The following DLG2 variants were observed in gnomAD, a reference collection of about 807,000 sequenced individuals.
DLG2 encodes the protein discs large MAGUK scaffold protein 2, also known as disks large homolog 2.
DLG2 carries 45 observed loss-of-function variants against 132.5 expected under a neutral mutation model. The observed-to-expected ratio is 0.34, with a 90% CI of 0.27 to 0.44. DLG2 has a LOEUF of 0.44. Among genes scored for constraint, DLG2 ranks in the 20% least tolerant of loss-of-function variants. The pLI is 1.00. For missense variants in DLG2, 1,045 were observed against 1,196.9 expected, an observed-to-expected ratio of 0.87 and a Z score of 1.87; for synonymous variants, 424 against 419.6, an observed-to-expected ratio of 1.01 and a Z score of -0.13.
At chr11:84,604,445 G>A (rs2099581971) in intron 6 of DLG2, among the ~76,000 whole-genome samples, 1 of 151,854 alleles carries the variant, frequency 6.6e-6, no homozygotes, top group South Asian at 2.1e-4. Context: ...GGCTTTATAA[G>A]TCAAATTAAG....
rs1254459086 is a variant in DLG2 at position 85,306,851 on chromosome 11, C to T, written c.41-21486G>A. Among the ~76,000 whole-genome samples, 4 of 152,180 alleles carry T rather than the reference C, an allele frequency of 2.6e-5. No homozygotes were observed. The South Asian group carries it at 8.3e-4, about 32-fold the overall frequency. On this transcript the variant is annotated intron_variant, in intron 3 of 27. Coordinates refer to ENST00000376104, the MANE Select transcript of DLG2 (RefSeq NM_001142699.3). ...CCTCCCAAAGTGTTGGGATTATAGG[C>T]GTGAGCCACCACGCCTGGCCAGTTT...
chr11:83,763,404 A>T, intron 18 of DLG2, among the ~76,000 whole-genome samples: 1 of 152,182 alleles, frequency 6.6e-6, no homozygotes, highest in East Asian at 1.9e-4. Context: ...ACAGATTTTT[A>T]ATAAATTAGT....
rs574169269 is a variant in DLG2 at position 83,972,896 on chromosome 11, G to A, written c.1057-7428C>T. On this transcript the variant is annotated intron_variant, in intron 12 of 27. Transcript: ENST00000376104. Reference sequence around the variant, plus strand: ...ATCATATTAGTTTATAAGGTACACAGTCAAAGCTCCATCATTGTGATTCTA... The same window carrying A: ...ATCATATTAGTTTATAAGGTACACAATCAAAGCTCCATCATTGTGATTCTA... Among the ~76,000 whole-genome samples, 86 of 152,176 alleles carry A rather than the reference G, an allele frequency of 5.7e-4. 1 individual carries two copies. The highest frequency in any genetic ancestry group is 2.0e-3 in the African/African-American group (84 of 41,544).
chr11:83,964,308 G>C (rs1333470976), intron 13 of DLG2, among the ~76,000 whole-genome samples: 3 of 151,988 alleles, frequency 2.0e-5, no homozygotes, highest in African/African-American at 7.2e-5. Context: ...AGGTAAGTCT[G>C]ATCTCAATTT....
Position 84,786,524 on chromosome 11 carries a change from G to C in DLG2, c.358-251793C>G, listed in dbSNP as rs766274459. On this transcript the variant is annotated intron_variant, in intron 6 of 27. Transcript: ENST00000376104. ...GGATGACTGATCACTTTTATAACAA[G>C]CTTCTAAGATAGAGCACTGAGCTCC... Among the ~76,000 whole-genome samples, 3 of 152,134 alleles carry C rather than the reference G, an allele frequency of 2.0e-5. 1 individual carries two copies. In the South Asian group the frequency reaches 6.2e-4, roughly 31 times the overall value.
intron 3 of DLG2, among the ~76,000 whole-genome samples, chr11:85,481,497 C>T (rs181779341): frequency 5.8e-4 from 88 of 152,260 alleles, no homozygotes; most frequent in Middle Eastern, 3.4e-3. Context: ...CCAGGCAGCA[C>T]AGGGAGAGAT....
intron 4 of DLG2, among the ~76,000 whole-genome samples, chr11:85,280,052 A>C (rs1384889398): frequency 3.3e-5 from 5 of 152,128 alleles, no homozygotes; most frequent in Admixed American, 3.3e-4. Context: ...CAAGGGGAAA[A>C]GTCCTATTTA....
intron 16 of DLG2, among the ~76,000 whole-genome samples, chr11:83,850,120 G>A (rs949666095): frequency 1.5e-5 from 2 of 134,940 alleles, no homozygotes; most frequent in African/African-American, 5.9e-5. Flanking sequence ...AACATTTGGG[G>A]TAAGTGTGTG....
intron 6 of DLG2, among the ~76,000 whole-genome samples, chr11:84,812,159 TATTAA>T (rs898034984): frequency 6.6e-6 from 1 of 152,176 alleles, no homozygotes; most frequent in Non-Finnish European, 1.5e-5. Context: ...CTCAAATATT[TATTAA>T]ATTAAGTTGA....
chr11:83,514,136 T>C lies in DLG2; in HGVS notation c.2193+18572A>G, dbSNP rs867014272. On this transcript the variant is annotated intron_variant, in intron 21 of 27. Transcript: ENST00000376104. ...ACCTTGGGCAGTATGGCCATTTTCA[T>C]GATATTGATTCTTCCTACCCGTGAG... 2.8e-3 allele frequency among the ~76,000 whole-genome samples: 421 copies of C among 152,274 alleles called. 1 individual carries two copies. Among genetic ancestry groups the C allele is most frequent in the African/African-American group, 9.6e-3 (401 of 41,560 alleles).
rs115385624 is a variant in DLG2 at position 84,546,203 on chromosome 11, T to G, written c.358-11472A>C. ...ATTGGATCATAGGGGTGGTTTCTAATGGTTTAGCATCATCTCCCTGGTGCT... is the reference window on the plus strand; with the variant it reads ...ATTGGATCATAGGGGTGGTTTCTAAGGGTTTAGCATCATCTCCCTGGTGCT... On this transcript the variant is annotated intron_variant, in intron 6 of 27. Coordinates refer to ENST00000376104, the MANE Select transcript of DLG2 (RefSeq NM_001142699.3). 6.3e-3 allele frequency among the ~76,000 whole-genome samples: 966 copies of G among 152,260 alleles called. 10 individuals carry two copies. Among genetic ancestry groups the G allele is most frequent in the African/African-American group, 0.022 (909 of 41,564 alleles).
intron 3 of DLG2, among the ~76,000 whole-genome samples, chr11:85,390,906 C>A (rs1275737180): frequency 2.6e-5 from 4 of 151,778 alleles, no homozygotes; most frequent in Admixed American, 6.6e-5. Flanking sequence ...CAAATCAAAC[C>A]CACACACAGA....
intron 6 of DLG2, among the ~76,000 whole-genome samples, chr11:84,634,810 T>C (rs2099637845): frequency 6.6e-6 from 1 of 152,206 alleles, no homozygotes; most frequent in African/African-American, 2.4e-5. Context: ...GGAGGCTGTG[T>C]CCTACAAGCA....
At chr11:84,828,536 A>G (rs1181290428) in intron 6 of DLG2, among the ~76,000 whole-genome samples, 1 of 151,780 alleles carries the variant, frequency 6.6e-6, no homozygotes, top group East Asian at 2.0e-4. Context: ...GAATCACATG[A>G]AAGATTTTCC....
intron 11 of DLG2, among the ~76,000 whole-genome samples, chr11:84,042,607 C>T (rs2096120356): frequency 6.6e-6 from 1 of 151,734 alleles, no homozygotes; most frequent in South Asian, 2.1e-4. Context: ...AAATGTTTAT[C>T]AAGTTTATTC....
intron 15 of DLG2, among the ~76,000 whole-genome samples, chr11:83,876,309 A>T (rs1799135751): frequency 6.6e-6 from 1 of 152,142 alleles, no homozygotes; most frequent in Non-Finnish European, 1.5e-5. Flanking sequence ...GTACTTTGAG[A>T]TGTTTAGTAC....
At chr11:84,933,442 T>C (rs1420851835) in intron 6 of DLG2, among the ~76,000 whole-genome samples, 26 of 152,230 alleles carry the variant, frequency 1.7e-4, no homozygotes, top group Admixed American at 1.6e-3. Flanking sequence ...ATTGAATCCA[T>C]AAATTGCTTT....
chr11:85,221,501 A>G lies in DLG2; in HGVS notation c.186+63719T>C, dbSNP rs2074644207. Among the ~76,000 whole-genome samples, 4 of 152,344 alleles carry G rather than the reference A, an allele frequency of 2.6e-5. No individual in the cohort carries two copies. In the South Asian group the frequency reaches 8.3e-4, roughly 32 times the overall value. ...ATTGTGACCTCTACATGTCTGCACT[A>G]TAACTCAGCATCTTGTGCAAAATTA... On this transcript the variant is annotated intron_variant, in intron 4 of 27. Coordinates refer to ENST00000376104, the MANE Select transcript of DLG2 (RefSeq NM_001142699.3).
At chr11:84,204,343 C>A (rs1005962010) in intron 8 of DLG2, among the ~76,000 whole-genome samples, 1 of 152,128 alleles carries the variant, frequency 6.6e-6, no homozygotes. Context: ...TAGAGAAATA[C>A]AGTACAATAA....
Sources: gnomAD v4.1 joint callset for allele counts (sites outside exome capture counted in the v4.1 genomes callset) on GRCh38, gnomAD v4.1.1 for gene constraint, MANE v1.5 for transcripts, NCBI Gene and HGNC (gene_info 2026-07-23, HGNC 2026-07-21) for gene names.